The following SELENOF variants were observed in gnomAD, a reference collection of about 807,000 sequenced individuals.
SELENOF encodes the protein 15 kDa selenoprotein.
In SELENOF, 16 loss-of-function variants were observed where a neutral mutation model predicts 20.5. The ratio of observed to expected loss-of-function variants is 0.78; its 90% confidence interval spans 0.53 to 1.19. SELENOF has a LOEUF of 1.19. Ranked by LOEUF, SELENOF falls within the 50% of genes most tolerant of loss-of-function variation. The pLI, the probability that SELENOF is intolerant of heterozygous loss-of-function variation, is 0.00. For missense variants in SELENOF, 215 were observed against 194.2 expected, an observed-to-expected ratio of 1.11 and a Z score of -0.64; for synonymous variants, 78 against 74.5, an observed-to-expected ratio of 1.05 and a Z score of -0.24.
chr1:86,890,985 T>C (rs1259945737), intron 2 of SELENOF, among the ~76,000 whole-genome samples: 1 of 152,086 alleles, frequency 6.6e-6, no homozygotes, highest in East Asian at 1.9e-4. Context: ...AGATATTATG[T>C]TTTCGTCCAA....
At chr1:86,871,427 A>G (rs1658766491) in intron 3 of SELENOF, among the ~76,000 whole-genome samples, 1 of 152,220 alleles carries the variant, frequency 6.6e-6, no homozygotes, top group Admixed American at 6.5e-5. Context: ...ATAATACTAA[A>G]GGATTCAAAA....
chr1:86,883,470 A>ACG (rs1326286934), intron 2 of SELENOF, among the ~76,000 whole-genome samples: 1 of 151,598 alleles, frequency 6.6e-6, no homozygotes, highest in Non-Finnish European at 1.5e-5. Flanking sequence ...TGTATAGTGT[A>ACG]TGTACACTAG....
At chr1:86,895,061 T>C (rs1325847160) in intron 2 of SELENOF, among the ~76,000 whole-genome samples, 1 of 152,200 alleles carries the variant, frequency 6.6e-6, no homozygotes, top group Non-Finnish European at 1.5e-5. Context: ...ACTTAAAAAT[T>C]TGAAAGTAGG....
intron 2 of SELENOF, among the ~76,000 whole-genome samples, chr1:86,899,536 C>CG (rs1477239519): frequency 1.4e-5 from 2 of 140,666 alleles, no homozygotes; most frequent in African/African-American, 2.7e-5. Flanking sequence ...GCTGGCCGGG[C>CG]GGGGGGCTGA....
At chr1:86,901,500 T>G (rs193146180) in intron 2 of SELENOF, among the ~76,000 whole-genome samples, 2 of 151,920 alleles carry the variant, frequency 1.3e-5, no homozygotes, top group Admixed American at 6.5e-5. Context: ...TCTTAGAGAT[T>G]AGGGGCTAGG....
intron 2 of SELENOF, among the ~76,000 whole-genome samples, chr1:86,901,650 A>T (rs550239414): frequency 6.6e-6 from 1 of 152,364 alleles, no homozygotes; most frequent in East Asian, 1.9e-4. Context: ...CTGAGCTGCA[A>T]CTGCTGAAAT....
rs578199919 is a variant in SELENOF at position 86,880,802 on chromosome 1, C to T, written c.253-77G>A. 42 of 944,752 alleles carry T rather than the reference C, an allele frequency of 4.4e-5. No individual in the cohort carries two copies. The East Asian group carries it at 1.1e-3, about 25-fold the overall frequency. The allele number at this position is 944,752 out of a possible 1,614,324, so 58.5% of individuals were successfully genotyped here. A position where few individuals can be genotyped will look rare whatever the true frequency, so the allele number is the denominator to read the frequency against. On this transcript the variant is annotated intron_variant, in intron 2 of 4. Transcript: ENST00000331835. Reference sequence around the variant, plus strand: ...CTTATAAAATAAATATAAATTTTCACAGTATAAACATTACAGTTAGCAGAT... The same window carrying T: ...CTTATAAAATAAATATAAATTTTCATAGTATAAACATTACAGTTAGCAGAT...
chr1:86,884,460 C>A (rs532709627), intron 2 of SELENOF, among the ~76,000 whole-genome samples: 1 of 151,408 alleles, frequency 6.6e-6, no homozygotes, highest in Non-Finnish European at 1.5e-5. Flanking sequence ...TTTTTCATGG[C>A]GAATAAATAA....
chr1:86,875,683 G>C (rs1658907487), intron 3 of SELENOF, among the ~76,000 whole-genome samples: 1 of 152,168 alleles, frequency 6.6e-6, no homozygotes, highest in South Asian at 2.1e-4. Context: ...GAGTTCTAAA[G>C]ACTTCTAGTT....
At chr1:86,897,364 T>C (rs1659551662) in intron 2 of SELENOF, among the ~76,000 whole-genome samples, 1 of 152,090 alleles carries the variant, frequency 6.6e-6, no homozygotes, top group South Asian at 2.1e-4. Flanking sequence ...ATAGATATAA[T>C]ATAGTGTAAA....
At chr1:86,891,658 T>C (rs1659386192) in intron 2 of SELENOF, among the ~76,000 whole-genome samples, 1 of 152,138 alleles carries the variant, frequency 6.6e-6, no homozygotes, top group African/African-American at 2.4e-5. Context: ...AAATTTTAAA[T>C]AATATTTTGG....
intron 1 of SELENOF, among the ~76,000 whole-genome samples, chr1:86,904,193 C>T (rs974300877): frequency 4.6e-5 from 7 of 152,058 alleles, no homozygotes; most frequent in African/African-American, 7.2e-5. Context: ...AGAAGAAGGA[C>T]GGGAAAGGGG....
At chr1:86,882,590 G>A (rs1659105570) in intron 2 of SELENOF, among the ~76,000 whole-genome samples, 1 of 151,474 alleles carries the variant, frequency 6.6e-6, no homozygotes, top group East Asian at 1.9e-4. Flanking sequence ...ACAGAAAATG[G>A]AATTGCAGTT....
At chr1:86,879,669 T>TA (rs769949271) in intron 3 of SELENOF, among the ~76,000 whole-genome samples, 35 of 152,076 alleles carry the variant, frequency 2.3e-4, no homozygotes, top group African/African-American at 4.6e-4. Flanking sequence ...GTATTTCAGT[T>TA]AAAAAAAAGA....
chr1:86,900,192 T>C (rs61800717), intron 2 of SELENOF, among the ~76,000 whole-genome samples: 46,595 of 150,360 alleles, frequency 0.31, 9,736 homozygotes, highest in African/African-American at 0.6. Context: ...GGGTGGCGGC[T>C]GGGCAGAGGC....
intron 1 of SELENOF, among the ~76,000 whole-genome samples, chr1:86,910,474 G>A (rs1471623724): frequency 6.6e-6 from 1 of 152,184 alleles, no homozygotes; most frequent in Non-Finnish European, 1.5e-5. Flanking sequence ...GGGAGGCTGA[G>A]GCAGGCAGAT....
At chr1:86,891,053 CTTT>C (rs34603223) in intron 2 of SELENOF, among the ~76,000 whole-genome samples, 1 of 139,850 alleles carries the variant, frequency 7.2e-6, no homozygotes. Flanking sequence ...CCTATTTTTT[CTTT>C]TTTTTTTTTT....
chr1:86,873,481 T>C (rs1209466372), intron 3 of SELENOF, among the ~76,000 whole-genome samples: 1 of 152,196 alleles, frequency 6.6e-6, no homozygotes, highest in Non-Finnish European at 1.5e-5. Flanking sequence ...CATCTGTTCT[T>C]TTTGGTATGG....
In SELENOF at chr1:86,863,331, G is replaced by T. The variant is rs1658507580; in HGVS notation, c.*143C>A. The T allele has an allele frequency of 2.9e-6, 2 of 681,332 alleles. No individual in the cohort carries two copies. Among genetic ancestry groups the T allele is most frequent in the Non-Finnish European group, 4.7e-6 (2 of 425,790 alleles). The allele number at this position is 681,332 out of a possible 1,614,324, so 42.2% of individuals were successfully genotyped here. On this transcript the variant is annotated 3_prime_UTR_variant, in exon 5 of 5. Coordinates refer to ENST00000331835, the MANE Select transcript of SELENOF (RefSeq NM_004261.5). ...CTCCTTAGATATCATGGACTATACT[G>T]CCATTTCACGATTTAATTAGATATT... is the stretch of plus-strand genomic sequence containing the variant.
Sources: gnomAD v4.1 joint callset for allele counts (sites outside exome capture counted in the v4.1 genomes callset) on GRCh38, gnomAD v4.1.1 for gene constraint, MANE v1.5 for transcripts, NCBI Gene and HGNC (gene_info 2026-07-23, HGNC 2026-07-21) for gene names.